The following NEGR1 variants were observed in gnomAD, a reference collection of about 807,000 sequenced individuals.
NEGR1 encodes neuronal growth regulator 1.
A neutral mutation model predicts 40.9 loss-of-function variants in NEGR1; 10 were observed. The observed-to-expected ratio is 0.24, with a 90% CI of 0.15 to 0.42. NEGR1 has a LOEUF of 0.42. Among genes scored for constraint, NEGR1 ranks in the 10% least tolerant of loss-of-function variants. The pLI is 1.00. For missense variants in NEGR1, 352 were observed against 438.9 expected (o/e 0.80, Z 1.77); for synonymous variants, 185 against 166.8 (o/e 1.11, Z -0.84).
intron 1 of NEGR1, among the ~76,000 whole-genome samples, chr1:72,206,895 G>A (rs1653422857): frequency 6.6e-6 from 1 of 151,906 alleles, no homozygotes; most frequent in South Asian, 2.1e-4. Flanking sequence ...CAAAGAGATT[G>A]CAGTGGTATG....
intron 4 of NEGR1, among the ~76,000 whole-genome samples, chr1:71,640,471 T>C (rs903216105): frequency 6.6e-6 from 1 of 152,060 alleles, no homozygotes; most frequent in Non-Finnish European, 1.5e-5. Flanking sequence ...TGCAATATCC[T>C]GGTATCTGTG....
intron 4 of NEGR1, among the ~76,000 whole-genome samples, chr1:71,634,749 T>C (rs1453901102): frequency 6.6e-6 from 1 of 152,136 alleles, no homozygotes; most frequent in Non-Finnish European, 1.5e-5. Flanking sequence ...ACTAATTACA[T>C]AGTCTTAGGA....
chr1:71,985,350 T>G (rs1646385522), intron 1 of NEGR1, among the ~76,000 whole-genome samples: 1 of 152,202 alleles, frequency 6.6e-6, no homozygotes, highest in Non-Finnish European at 1.5e-5. Flanking sequence ...GGAAAACATT[T>G]CCCTGTAACT....
chr1:71,941,844 A>G (rs564779170), intron 1 of NEGR1, among the ~76,000 whole-genome samples: 3 of 152,046 alleles, frequency 2.0e-5, no homozygotes, highest in Non-Finnish European at 2.9e-5. Context: ...TATATCAAAA[A>G]CTATTATTAT....
At chr1:71,886,016 A>G (rs535299964) in intron 2 of NEGR1, among the ~76,000 whole-genome samples, 10 of 152,212 alleles carry the variant, frequency 6.6e-5, no homozygotes, top group Non-Finnish European at 1.5e-4. Flanking sequence ...TGAAGTTTCT[A>G]TATCAAAAGA....
intron 2 of NEGR1, among the ~76,000 whole-genome samples, chr1:71,879,591 TTTG>T (rs1172489634): frequency 6.6e-6 from 1 of 152,104 alleles, no homozygotes; most frequent in Non-Finnish European, 1.5e-5. Context: ...TGATCAAGAG[TTTG>T]TTAAGACCTC....
intron 2 of NEGR1, among the ~76,000 whole-genome samples, chr1:71,790,269 A>ATTATT (rs1657066471): frequency 6.6e-6 from 1 of 152,128 alleles, no homozygotes; most frequent in South Asian, 2.1e-4. Context: ...ATGGAAGCAG[A>ATTATT]ATGTCAGCAG....
Position 71,400,848 on chromosome 1 carries a change from C to G in NEGR1, c.*6598G>C, listed in dbSNP as rs1374261685. 1.3e-5 allele frequency: 2 copies of G among 152,130 alleles called. No homozygotes were observed. Among genetic ancestry groups the G allele is most frequent in the South Asian group, 4.1e-4 (2 of 4,828 alleles). 9.4% of individuals were successfully genotyped at this position (152,130 alleles called of 1,614,324 possible). ...AGGAGTTCTAGACCAGACTGGCCAA[C>G]ATGGTGAAACCCCACCTCTACTAAA... On this transcript the variant is annotated 3_prime_UTR_variant, in exon 7 of 7. Transcript: ENST00000357731.
intron 2 of NEGR1, among the ~76,000 whole-genome samples, chr1:71,903,080 A>G (rs1464046586): frequency 6.6e-6 from 1 of 151,964 alleles, no homozygotes; most frequent in Non-Finnish European, 1.5e-5. Context: ...AGATCAAATA[A>G]AAAGGAAGAA....
chr1:72,022,201 G>A (rs1237275835), intron 1 of NEGR1, among the ~76,000 whole-genome samples: 1 of 147,750 alleles, frequency 6.8e-6, no homozygotes. Context: ...TGGGGGAATT[G>A]TAAGTTGGAT....
intron 1 of NEGR1, among the ~76,000 whole-genome samples, chr1:72,188,363 T>G (rs1413983098): frequency 6.6e-6 from 1 of 151,504 alleles, no homozygotes; most frequent in Non-Finnish European, 1.5e-5. Flanking sequence ...AATCTTCGCA[T>G]TCTGTGTATT....
intron 4 of NEGR1, among the ~76,000 whole-genome samples, chr1:71,687,897 G>C (rs1436379601): frequency 6.6e-6 from 1 of 152,096 alleles, no homozygotes; most frequent in Non-Finnish European, 1.5e-5. Flanking sequence ...GCCCTTCCAT[G>C]AATTCCATGA....
rs1334007301 is a variant in NEGR1 at position 71,401,457 on chromosome 1, T to C, written c.*5989A>G. ...ATCACACTTTTTATGTTTTTCAAAC[T>C]AAGTGGTGATATCCATAGGATTTGT... On this transcript the variant is annotated 3_prime_UTR_variant, in exon 7 of 7. Coordinates refer to ENST00000357731, the MANE Select transcript of NEGR1 (RefSeq NM_173808.3). 2.0e-5 allele frequency: 3 copies of C among 152,224 alleles called. No individual in the cohort carries two copies. Among genetic ancestry groups the C allele is most frequent in the East Asian group, 3.8e-4 (2 of 5,200 alleles). The allele number at this position is 152,224 out of a possible 1,614,324, so 9.4% of individuals were successfully genotyped here.
At chr1:71,950,736 T>C (rs1467549897) in intron 1 of NEGR1, among the ~76,000 whole-genome samples, 1 of 152,030 alleles carries the variant, frequency 6.6e-6, no homozygotes, top group East Asian at 1.9e-4. Flanking sequence ...TTTTATTCTG[T>C]TACCAATATT....
intron 2 of NEGR1, among the ~76,000 whole-genome samples, chr1:71,832,762 T>C (rs1658882703): frequency 6.6e-6 from 1 of 152,012 alleles, no homozygotes; most frequent in African/African-American, 2.4e-5. Flanking sequence ...TAGAATGGCC[T>C]CTTCTGAAAC....
chr1:72,271,576 AATAAAT>A (rs1357909687), intron 1 of NEGR1, among the ~76,000 whole-genome samples: 2 of 151,926 alleles, frequency 1.3e-5, no homozygotes, highest in Non-Finnish European at 2.9e-5. Context: ...TATGTTCTAA[AATAAAT>A]ATAGACTAGT....
chr1:71,984,952 TCTC>T (rs1646382482), intron 1 of NEGR1, among the ~76,000 whole-genome samples: 1 of 152,134 alleles, frequency 6.6e-6, no homozygotes, highest in African/African-American at 2.4e-5. Context: ...ATAAATAAAT[TCTC>T]CTAACAACCA....
At chr1:71,827,681 G>A (rs1658683619) in intron 2 of NEGR1, among the ~76,000 whole-genome samples, 1 of 151,808 alleles carries the variant, frequency 6.6e-6, no homozygotes, top group East Asian at 1.9e-4. Flanking sequence ...AAATTAACTA[G>A]ATAAAGACAA....
At chr1:72,203,392 C>A (rs1417337616) in intron 1 of NEGR1, among the ~76,000 whole-genome samples, 2 of 151,990 alleles carry the variant, frequency 1.3e-5, no homozygotes, top group Non-Finnish European at 2.9e-5. Context: ...TGGTGGAAAT[C>A]ACAAGATAAC....
Sources: gnomAD v4.1 joint callset for allele counts (sites outside exome capture counted in the v4.1 genomes callset) on GRCh38, gnomAD v4.1.1 for gene constraint, MANE v1.5 for transcripts, NCBI Gene and HGNC (gene_info 2026-07-23, HGNC 2026-07-21) for gene names.